The following DCUN1D5 variants were observed in gnomAD, a reference collection of about 807,000 sequenced individuals.
DCUN1D5 encodes the protein defective in cullin neddylation 1 domain containing 5.
DCUN1D5 carries 10 observed loss-of-function variants against 38.3 expected under a neutral mutation model. The observed-to-expected ratio is 0.26, with a 90% CI of 0.16 to 0.44. DCUN1D5 has a LOEUF of 0.44. DCUN1D5 is among the 20% of genes least tolerant of loss of function. DCUN1D5 has a pLI of 1.00. For missense variants in DCUN1D5, 148 were observed against 275.3 expected, an observed-to-expected ratio of 0.54 and a Z score of 3.27; for synonymous variants, 93 against 90.9, an observed-to-expected ratio of 1.02 and a Z score of -0.13.
rs546934960 is a variant in DCUN1D5 at position 103,084,506 on chromosome 11, C to T, written c.179-1180G>A. ...TTTAAATAAGTACTAACAATGCACT[C>T]GTGTTAAAAGGTGAAGGGGGTGATT... is the stretch of plus-strand genomic sequence containing the variant. On this transcript the variant is annotated intron_variant, in intron 2 of 7. Coordinates refer to ENST00000260247, the MANE Select transcript of DCUN1D5 (RefSeq NM_032299.4). Among the ~76,000 whole-genome samples the T allele has an allele frequency of 1.3e-3, 201 of 152,202 alleles. 1 individual carries two copies. The highest frequency in any genetic ancestry group is 4.7e-3 in the African/African-American group (197 of 41,524).
rs1270673872 is a variant in DCUN1D5 at position 103,062,646 on chromosome 11, T to C, written c.659-232A>G. Among the ~76,000 whole-genome samples the C allele has an allele frequency of 1.3e-5, 2 of 152,076 alleles. No individual in the cohort carries two copies. The highest frequency in any genetic ancestry group is 3.8e-4 in the East Asian group (2 of 5,200). On this transcript the variant is annotated intron_variant, in intron 7 of 7. Coordinates refer to ENST00000260247, the MANE Select transcript of DCUN1D5 (RefSeq NM_032299.4). The surrounding 1 kb of genome is among the most constrained non-coding windows in gnomAD (Gnocchi z 4.6). ...TATAGCAACTTCCTTCTCAAGGTGT[T>C]TCATGAACCCTCCAGTAACTGAGTC...
chr11:103,081,117 A>G (rs753341288), intron 4 of DCUN1D5, among the ~76,000 whole-genome samples: 11 of 152,162 alleles, frequency 7.2e-5, no homozygotes, highest in Non-Finnish European at 1.5e-4. Flanking sequence ...GTGCTTACAC[A>G]TTTTTGTTAT....
In DCUN1D5 at chr11:103,061,618, C is replaced by T. The variant is rs1862012322; in HGVS notation, c.*741G>A. ...AAGGCAAAAAAAAAAAAAAAAAGTGCTTTAAACAAAATTCCCTATATAATG... is the reference window on the plus strand; with the variant it reads ...AAGGCAAAAAAAAAAAAAAAAAGTGTTTTAAACAAAATTCCCTATATAATG... On this transcript the variant is annotated 3_prime_UTR_variant, in exon 8 of 8. Transcript: ENST00000260247. Among the ~76,000 whole-genome samples, 2 of 146,308 alleles carry T rather than the reference C, an allele frequency of 1.4e-5. No individual in the cohort carries two copies. The highest frequency in any genetic ancestry group is 3.0e-5 in the Non-Finnish European group (2 of 66,598).
Position 103,058,754 on chromosome 11 carries a change from T to TG in DCUN1D5, c.*3604dup, listed in dbSNP as rs1861938089. On this transcript the variant is annotated 3_prime_UTR_variant, in exon 8 of 8. Transcript: ENST00000260247. The stretch of plus-strand genomic sequence containing the variant: ...ATGAAATTGTTATTCCTCTTTCTCC[T>TG]GAAAAAAAAATGATCCTTTCTTTGA... Among the ~76,000 whole-genome samples, 1 of 151,802 alleles carries TG rather than the reference T, an allele frequency of 6.6e-6. No individual in the cohort carries two copies. The highest frequency in any genetic ancestry group is 2.4e-5 in the African/African-American group (1 of 41,378).
rs548827985 is a variant in DCUN1D5, at chr11:103,078,728, T to C, written c.341+4020A>G. Among the ~76,000 whole-genome samples the C allele has an allele frequency of 6.6e-6, 1 of 152,342 alleles. No homozygotes were observed. The highest frequency in any genetic ancestry group is 1.5e-5 in the Non-Finnish European group (1 of 68,036). ...AATTTTAAGAAATCAAACTACTTCC[T>C]TCAAACATATGCTTTCCTTCCTCAA... is the stretch of plus-strand genomic sequence containing the variant. On this transcript the variant is annotated intron_variant, in intron 4 of 7. Transcript: ENST00000260247. The surrounding 1 kb of genome is among the most constrained non-coding windows in gnomAD (Gnocchi z 4.6).
Position 103,066,430 on chromosome 11 carries a change from A to G in DCUN1D5, c.450+29T>C. 1.3e-6 allele frequency: 2 copies of G among 1,592,412 alleles called. No individual in the cohort carries two copies. The highest frequency in any genetic ancestry group is 1.7e-6 in the Non-Finnish European group (2 of 1,164,664). ...GTGGTCTCAAGATGAAAAGCTATTA[A>G]AACAACAAAACAAGAAAATTGCACC... On this transcript the variant is annotated intron_variant, in intron 5 of 7. Transcript: ENST00000260247. The surrounding 1 kb of genome is among the most constrained non-coding windows in gnomAD (Gnocchi z 4.7).
rs1565278405 is a variant in DCUN1D5, at chr11:103,053,425, G to A, written c.*8934C>T. The A allele has an allele frequency of 1.3e-5, 2 of 152,076 alleles. No individual in the cohort carries two copies. Among genetic ancestry groups the A allele is most frequent in the African/African-American group, 4.8e-5 (2 of 41,444 alleles). 9.4% of individuals were successfully genotyped at this position (152,076 alleles called of 1,614,324 possible). On this transcript the variant is annotated 3_prime_UTR_variant, in exon 8 of 8. Transcript: ENST00000260247. The surrounding 1 kb of genome is among the most constrained non-coding windows in gnomAD (Gnocchi z 4.8). ...GTAGACAGAAGAAATAAGACCTGGTGTTCGATATATCAGTAGGATGACTGA... is the reference window on the plus strand; with the variant it reads ...GTAGACAGAAGAAATAAGACCTGGTATTCGATATATCAGTAGGATGACTGA...
In DCUN1D5 at chr11:103,062,432, A is replaced by AT; in HGVS notation, c.659-19dup. On this transcript the variant is annotated intron_variant, in intron 7 of 7. Transcript: ENST00000260247. The surrounding 1 kb of genome is among the most constrained non-coding windows in gnomAD (Gnocchi z 4.6). The stretch of plus-strand genomic sequence containing the variant: ...AACAGGCCCTAGAAAAAAAGAAACC[A>AT]TTTTTGTCAGAATTCAGTGAACTCA... The AT allele has an allele frequency of 6.2e-7, 1 of 1,609,330 alleles. No homozygotes were observed. The highest frequency in any genetic ancestry group is 1.1e-5 in the South Asian group (1 of 90,336).
In DCUN1D5 at chr11:103,086,914, C is replaced by T. The variant is rs964414627; in HGVS notation, c.178+2313G>A. On this transcript the variant is annotated intron_variant, in intron 2 of 7. Coordinates refer to ENST00000260247, the MANE Select transcript of DCUN1D5 (RefSeq NM_032299.4). This position sits in a 1 kb window ranked among gnomAD's most constrained non-coding sequence, Gnocchi z 4.1. ...AATTTAAATAAAAAATACATAAAAG[C>T]ATAGTAGTTAAAAGCATGGACTTTA... is the stretch of plus-strand genomic sequence containing the variant. Among the ~76,000 whole-genome samples, 8 of 151,376 alleles carry T rather than the reference C, an allele frequency of 5.3e-5. No homozygotes were observed. The highest frequency in any genetic ancestry group is 1.0e-4 in the Non-Finnish European group (7 of 67,832).
chr11:103,080,678 T>C (rs555781587), intron 4 of DCUN1D5, among the ~76,000 whole-genome samples: 15 of 152,296 alleles, frequency 9.8e-5, no homozygotes, highest in African/African-American at 3.6e-4. Context: ...TTATTTTGTA[T>C]ACCCTGTGAC....
chr11:103,072,758 CG>C (rs1222083311), intron 4 of DCUN1D5, among the ~76,000 whole-genome samples: 3 of 9,564 alleles, frequency 3.1e-4, no homozygotes, highest in South Asian at 2.9e-3. Context: ...CGGGGCCTGT[CG>C]GGGGGTGGGG....
In DCUN1D5 at chr11:103,052,419, CCTA is replaced by C. The variant is rs1252340044; in HGVS notation, c.*9937_*9939del. The C allele has an allele frequency of 6.6e-6, 1 of 152,084 alleles. No individual in the cohort carries two copies. The highest frequency in any genetic ancestry group is 1.5e-5 in the Non-Finnish European group (1 of 68,004). The allele number at this position is 152,084 out of a possible 1,614,324, so 9.4% of individuals were successfully genotyped here. A position where few individuals can be genotyped will look rare whatever the true frequency, so the allele number is the denominator to read the frequency against. On this transcript the variant is annotated 3_prime_UTR_variant, in exon 8 of 8. Coordinates refer to ENST00000260247, the MANE Select transcript of DCUN1D5 (RefSeq NM_032299.4). ...CGTGAATTTTTTCATTCATTAAATA[CCTA>C]TTATGTGGTGGAAACAAGTGAGGAA...
rs191244277 is a variant in DCUN1D5 at position 103,083,205 on chromosome 11, G to A, written c.249+51C>T. On this transcript the variant is annotated intron_variant, in intron 3 of 7. Coordinates refer to ENST00000260247, the MANE Select transcript of DCUN1D5 (RefSeq NM_032299.4). The surrounding 1 kb of genome is among the most constrained non-coding windows in gnomAD (Gnocchi z 4.4). ...AGTGTCTCGATTTTTAGTAATTTAC[G>A]AATATGCTATACCCCACTTATATGC... is the stretch of plus-strand genomic sequence containing the variant. 39 of 848,492 alleles carry A rather than the reference G, an allele frequency of 4.6e-5. 1 individual carries two copies. The East Asian group carries it at 5.3e-4, about 11-fold the overall frequency. The allele number at this position is 848,492 out of a possible 1,614,324, so 52.6% of individuals were successfully genotyped here. A position where few individuals can be genotyped will look rare whatever the true frequency, so the allele number is the denominator to read the frequency against.
Position 103,086,869 on chromosome 11 carries a change from A to G in DCUN1D5, c.178+2358T>C, listed in dbSNP as rs1200120187. On this transcript the variant is annotated intron_variant, in intron 2 of 7. Transcript: ENST00000260247. This position sits in a 1 kb window ranked among gnomAD's most constrained non-coding sequence, Gnocchi z 4.1. ...TATCTATTATAATAAAATGTTTATAACTATATATAAACATTATAAAATTTA... is the reference window on the plus strand; with the variant it reads ...TATCTATTATAATAAAATGTTTATAGCTATATATAAACATTATAAAATTTA... 6.6e-6 allele frequency among the ~76,000 whole-genome samples: 1 copy of G among 151,628 alleles called. No homozygotes were observed. Among genetic ancestry groups the G allele is most frequent in the Non-Finnish European group, 1.5e-5 (1 of 67,910 alleles).
chr11:103,079,259 C>T (rs1040254846), intron 4 of DCUN1D5, among the ~76,000 whole-genome samples: 6 of 152,100 alleles, frequency 3.9e-5, no homozygotes, highest in Non-Finnish European at 5.9e-5. Context: ...CTGTCTTCTA[C>T]GAAACTGATC....
rs1323001051 is a variant in DCUN1D5 at position 103,083,433 on chromosome 11, T to TA, written c.179-108dup. 1.7e-6 allele frequency: 1 copy of TA among 594,694 alleles called. No individual in the cohort carries two copies. The highest frequency in any genetic ancestry group is 3.0e-6 in the Non-Finnish European group (1 of 333,486). The allele number at this position is 594,694 out of a possible 1,614,324, so 36.8% of individuals were successfully genotyped here. ...CACACCATAATATTTTGCAAATAAT[T>TA]AAATTTGAATTTTGGCATAGCTTTG... On this transcript the variant is annotated intron_variant, in intron 2 of 7. Transcript: ENST00000260247. The surrounding 1 kb of genome is among the most constrained non-coding windows in gnomAD (Gnocchi z 4.4).
intron 1 of DCUN1D5, among the ~76,000 whole-genome samples, chr11:103,090,352 C>T (rs1367122018): frequency 1.3e-5 from 2 of 152,092 alleles, no homozygotes; most frequent in African/African-American, 4.8e-5. Flanking sequence ...TATGTATCAT[C>T]GTTCACATTA....
chr11:103,062,097 A>T lies in DCUN1D5; in HGVS notation c.*262T>A, dbSNP rs1862026489. On this transcript the variant is annotated 3_prime_UTR_variant, in exon 8 of 8. Coordinates refer to ENST00000260247, the MANE Select transcript of DCUN1D5 (RefSeq NM_032299.4). The surrounding 1 kb of genome is among the most constrained non-coding windows in gnomAD (Gnocchi z 4.6). The stretch of plus-strand genomic sequence containing the variant: ...TCTTCACTTTAAGGCCTTTGTCACA[A>T]ATCTGAATCTTTATTGTTCTGAAAT... The T allele has an allele frequency of 2.6e-6, 1 of 378,608 alleles. No individual in the cohort carries two copies. Among genetic ancestry groups the T allele is most frequent in the Non-Finnish European group, 4.7e-6 (1 of 212,972 alleles). The allele number at this position is 378,608 out of a possible 1,614,324, so 23.5% of individuals were successfully genotyped here.
intron 4 of DCUN1D5, 22 bp downstream of exon 4, chr11:103,082,726 G>GT (rs1862597769): frequency 6.6e-7 from 1 of 1,526,628 alleles, no homozygotes; most frequent in African/African-American, 1.4e-5. Flanking sequence ...CATCAAATTT[G>GT]TTTTTTAAAA....
Sources: allele counts gnomAD v4.1 joint callset (sites outside exome capture counted in the v4.1 genomes callset), GRCh38; gene constraint gnomAD v4.1.1; non-coding constraint Gnocchi (gnomAD v3.1); transcripts MANE v1.5; gene names NCBI Gene and HGNC (gene_info 2026-07-23, HGNC 2026-07-21).